The following GATAD2A variants were observed in gnomAD, a reference collection of about 807,000 sequenced individuals.
The protein encoded by GATAD2A is GATA zinc finger domain containing 2A.
Under a neutral mutation model 68.5 loss-of-function variants are expected in GATAD2A, and 12 were observed. The observed-to-expected ratio is 0.18, with a 90% confidence interval of 0.11 to 0.28. GATAD2A has a LOEUF of 0.28. Among genes scored for constraint, GATAD2A ranks in the 10% least tolerant of loss-of-function variants. The pLI is 1.00. For synonymous variants in GATAD2A, 410 were observed against 375.3 expected (o/e 1.09, Z -1.07); for missense variants, 755 against 868.5 (o/e 0.87, Z 1.64).
intron 1 of GATAD2A, among the ~76,000 whole-genome samples, chr19:19,392,231 A>G (rs1227425853): frequency 1.3e-5 from 2 of 151,392 alleles, no homozygotes; most frequent in Non-Finnish European, 2.9e-5. Flanking sequence ...GACTACAGGC[A>G]TGCGCCACCA....
chr19:19,429,985 T>C (rs2053554679), intron 1 of GATAD2A, among the ~76,000 whole-genome samples: 2 of 152,192 alleles, frequency 1.3e-5, no homozygotes, highest in South Asian at 2.1e-4. Flanking sequence ...TGGCGGCAGC[T>C]TGCTGCTGTG....
chr19:19,391,121 C>T (rs1170522868), intron 1 of GATAD2A, among the ~76,000 whole-genome samples: 1 of 152,102 alleles, frequency 6.6e-6, no homozygotes, highest in South Asian at 2.1e-4. Context: ...TTAGTAAAAG[C>T]CATAGAATCA....
intron 2 of GATAD2A, among the ~76,000 whole-genome samples, chr19:19,478,151 A>G (rs1328110834): frequency 6.6e-6 from 1 of 152,238 alleles, no homozygotes; most frequent in Non-Finnish European, 1.5e-5. Flanking sequence ...TCAGCAGGAC[A>G]GGACCCAGGA....
intron 1 of GATAD2A, among the ~76,000 whole-genome samples, chr19:19,412,127 C>T (rs567084665): frequency 2.7e-5 from 4 of 148,204 alleles, no homozygotes; most frequent in African/African-American, 7.4e-5. Flanking sequence ...GCTTTTTTTT[C>T]TCTCTCTTTT....
intron 9 of GATAD2A, 37 bp downstream of exon 9, chr19:19,501,453 G>A: frequency 6.7e-7 from 1 of 1,503,320 alleles, no homozygotes; most frequent in Non-Finnish European, 9.0e-7. Context: ...CCGTCCCTAG[G>A]AGGCAGAGGC....
exon 1 of GATAD2A, chr19:19,386,113 G>C (rs973454801): frequency 2.6e-5 from 4 of 152,254 alleles, no homozygotes; most frequent in African/African-American, 9.6e-5. Flanking sequence ...GTCGGCCGCC[G>C]TCAGCGAGGG....
At position 19,438,898 on chromosome 19, in the gene GATAD2A, G is replaced by A. The variant is rs10411387; in HGVS notation, c.-6-26442G>A. Among the ~76,000 whole-genome samples, 1,515 of 152,360 alleles carry A rather than the reference G, an allele frequency of 9.9e-3. 28 individuals are homozygous for A. Among genetic ancestry groups the A allele is most frequent in the African/African-American group, 0.035 (1,460 of 41,576 alleles). On this transcript the variant is annotated intron_variant, in intron 1 of 11. Coordinates refer to ENST00000683918, the MANE Select transcript of GATAD2A (RefSeq NM_001384528.1). Reference sequence around the variant, plus strand: ...AGCTTGTGTGCACTTTTTGTTGTGGGTGTGTAAGACAGCCCAGCATATTGA... The same window carrying A: ...AGCTTGTGTGCACTTTTTGTTGTGGATGTGTAAGACAGCCCAGCATATTGA...
At chr19:19,434,175 T>G (rs1469302565) in intron 1 of GATAD2A, among the ~76,000 whole-genome samples, 2 of 152,186 alleles carry the variant, frequency 1.3e-5, no homozygotes, top group Non-Finnish European at 2.9e-5. Flanking sequence ...TGAGTTCTGA[T>G]TGGTTTGTGC....
intron 1 of GATAD2A, among the ~76,000 whole-genome samples, chr19:19,413,235 C>T (rs1340991670): frequency 6.6e-6 from 1 of 152,146 alleles, no homozygotes; most frequent in African/African-American, 2.4e-5. Flanking sequence ...GTTTTGAAAA[C>T]TGCTGCTACC....
intron 2 of GATAD2A, among the ~76,000 whole-genome samples, chr19:19,490,549 G>C (rs1250785629): frequency 6.6e-6 from 1 of 152,050 alleles, no homozygotes; most frequent in African/African-American, 2.4e-5. Flanking sequence ...TTGTTCTCTG[G>C]GTCACAGTGC....
chr19:19,482,026 G>A (rs2059097555), intron 2 of GATAD2A, among the ~76,000 whole-genome samples: 1 of 152,170 alleles, frequency 6.6e-6, no homozygotes, highest in Non-Finnish European at 1.5e-5. Context: ...AGGATCGCTT[G>A]AGCCCAGGAA....
chr19:19,486,487 G>A lies in GATAD2A; in HGVS notation c.270-5819G>A, dbSNP rs2059436660. Reference sequence around the variant, plus strand: ...TGGGTTTTGGGGGCTGCTGGATGTGGGCGGCTGGCTCTGAAGAGGCAGCAT... The same window carrying A: ...TGGGTTTTGGGGGCTGCTGGATGTGAGCGGCTGGCTCTGAAGAGGCAGCAT... On this transcript the variant is annotated intron_variant, in intron 2 of 11. Coordinates refer to ENST00000683918, the MANE Select transcript of GATAD2A (RefSeq NM_001384528.1). 5.9e-5 allele frequency among the ~76,000 whole-genome samples: 9 copies of A among 152,192 alleles called. 1 individual carries two copies. Among genetic ancestry groups the A allele is most frequent in the Admixed American group, 5.9e-4 (9 of 15,282 alleles).
chr19:19,476,648 C>T (rs771477483), intron 2 of GATAD2A, among the ~76,000 whole-genome samples: 4 of 152,214 alleles, frequency 2.6e-5, no homozygotes, highest in Non-Finnish European at 5.9e-5. Context: ...CCTCATGGTC[C>T]CCTAACCTGG....
rs2060936606 is a variant in GATAD2A, at chr19:19,507,920, G to A, written c.*2446G>A. ...GTATTATGACGTTTATGATGTTCCA[G>A]GTGAAGGCATTATTAAGTACCTCTC... On this transcript the variant is annotated 3_prime_UTR_variant, in exon 12 of 12. Coordinates refer to ENST00000683918, the MANE Select transcript of GATAD2A (RefSeq NM_001384528.1). 1 of 152,234 alleles carries A rather than the reference G, an allele frequency of 6.6e-6. No homozygotes were observed. Among genetic ancestry groups the A allele is most frequent in the South Asian group, 2.1e-4 (1 of 4,834 alleles). The allele number at this position is 152,234 out of a possible 1,614,324, so 9.4% of individuals were successfully genotyped here. A position where few individuals can be genotyped will look rare whatever the true frequency, so the allele number is the denominator to read the frequency against.
intron 1 of GATAD2A, among the ~76,000 whole-genome samples, chr19:19,390,757 C>T (rs184225001): frequency 2.0e-5 from 3 of 152,242 alleles, no homozygotes; most frequent in Non-Finnish European, 4.4e-5. Flanking sequence ...TATGAGACTG[C>T]TTGAGTGAGT....
At chr19:19,419,129 C>T (rs1441701822) in intron 1 of GATAD2A, among the ~76,000 whole-genome samples, 1 of 152,156 alleles carries the variant, frequency 6.6e-6, no homozygotes, top group African/African-American at 2.4e-5. Context: ...CATTGCCTCA[C>T]ATGTGTGAGC....
intron 1 of GATAD2A, among the ~76,000 whole-genome samples, chr19:19,441,198 A>G (rs923910430): frequency 1.3e-5 from 2 of 152,026 alleles, no homozygotes; most frequent in African/African-American, 4.8e-5. Flanking sequence ...GCCCGCCACC[A>G]TGCCCGGCTA....
chr19:19,503,352 C>T (rs988383451), intron 11 of GATAD2A, among the ~76,000 whole-genome samples: 1 of 151,976 alleles, frequency 6.6e-6, no homozygotes, highest in African/African-American at 2.4e-5. Context: ...AGCCTGAGAG[C>T]CTGCTGAGCC....
At chr19:19,440,280 AT>A (rs949917895) in intron 1 of GATAD2A, 26 of 232,672 alleles carry the variant, frequency 1.1e-4, no homozygotes, top group South Asian at 3.1e-4. Flanking sequence ...TTATTTATTT[AT>A]TTTTTTTGAG....
Sources: gnomAD v4.1 joint callset for allele counts (sites outside exome capture counted in the v4.1 genomes callset) on GRCh38, gnomAD v4.1.1 for gene constraint, MANE v1.5 for transcripts, NCBI Gene and HGNC (gene_info 2026-07-23, HGNC 2026-07-21) for gene names.